The following AFM variants were observed in gnomAD, a reference collection of about 807,000 sequenced individuals.
AFM encodes afamin.
Under a neutral mutation model 68.7 loss-of-function variants are expected in AFM, and 82 were observed. The observed-to-expected ratio is 1.19, with a 90% CI of 1.00 to 1.43. The LOEUF (loss-of-function observed/expected upper bound fraction) is 1.43. Ranked by LOEUF, AFM falls within the 40% of genes most tolerant of loss-of-function variation. AFM has a pLI of 0.00. For synonymous variants in AFM, 250 were observed against 234.2 expected, an observed-to-expected ratio of 1.07 and a Z score of -0.61; for missense variants, 772 against 701.8, an observed-to-expected ratio of 1.10 and a Z score of -1.13.
rs201766814 is a variant in AFM, at chr4:73,497,768, T to C, written c.1289+19T>C. ...AATACCAGTATGTTGTTTGCACAAG[T>C]GGGCTAACACTTGCCACTAGAATTG... On this transcript the variant is annotated intron_variant, in intron 10 of 14. Transcript: ENST00000226355. 171 of 1,495,714 alleles carry C rather than the reference T, an allele frequency of 1.1e-4. No individual in the cohort carries two copies. In the African/African-American group the frequency reaches 2.2e-3, roughly 19 times the overall value. 92.7% of individuals were successfully genotyped at this position (1,495,714 alleles called of 1,614,324 possible).
intron 13 of AFM, 89 bp from the exon 14 acceptor site, chr4:73,502,961 C>T: frequency 8.0e-7 from 1 of 1,245,762 alleles, no homozygotes; most frequent in South Asian, 1.2e-5. Context: ...TAATTTTCTT[C>T]AAAATTCAGG....
In AFM at chr4:73,499,121, A is replaced by C. The variant is rs369452284; in HGVS notation, c.1297A>C (p.Ile433Leu). ...GKDGLKYHYL[I>L]RLTKIAPQLS... ...AGACAAATGTTCTTTCAGTTACCTC[A>C]TCAGGCTCACGAAGATAGCTCCCCA... Residue 433 changes from isoleucine to leucine, a missense_variant, in exon 11 of 15, where the codon ATC becomes CTC. Coordinates refer to ENST00000226355, the MANE Select transcript of AFM (RefSeq NM_001133.2). 6.3e-5 allele frequency: 102 copies of C among 1,611,664 alleles called. No individual in the cohort carries two copies. The South Asian group carries it at 9.2e-4, about 14-fold the overall frequency.
At chr4:73,488,904 A>G (rs1167036576) in intron 7 of AFM, 145 bp downstream of exon 7, 5 of 817,626 alleles carry the variant, frequency 6.1e-6, no homozygotes, top group African/African-American at 1.8e-5. Context: ...AAAATGAAAT[A>G]TAAACATTTT....
chr4:73,482,597 T>A (rs1473125926), intron 1 of AFM, among the ~76,000 whole-genome samples: 1 of 152,210 alleles, frequency 6.6e-6, no homozygotes, highest in Non-Finnish European at 1.5e-5. Flanking sequence ...CCTGCTCCTT[T>A]TCCCTCGTAA....
At chr4:73,501,984 C>T in intron 13 of AFM, 65 bp downstream of exon 13, 3 of 1,549,904 alleles carry the variant, frequency 1.9e-6, no homozygotes, top group Non-Finnish European at 2.6e-6. Context: ...TAAAACAGAA[C>T]CCTGCAGGAC....
chr4:73,502,530 T>C (rs2149347583), intron 13 of AFM, among the ~76,000 whole-genome samples: 1 of 152,304 alleles, frequency 6.6e-6, no homozygotes, highest in Middle Eastern at 3.4e-3. Context: ...CTCAGCAACC[T>C]GTGAATGTTA....
chr4:73,484,164 C>A, intron 2 of AFM, 94 bp from the exon 3 acceptor site: 1 of 1,479,718 alleles, frequency 6.8e-7, no homozygotes, highest in South Asian at 1.5e-5. Flanking sequence ...TAGATAATTT[C>A]CTGAGGCTAG....
chr4:73,493,760 G>A (rs1046769165), intron 8 of AFM, among the ~76,000 whole-genome samples: 4 of 152,084 alleles, frequency 2.6e-5, no homozygotes, highest in Admixed American at 1.3e-4. Flanking sequence ...TGTCCTCTAC[G>A]GCTTCTCATG....
chr4:73,501,808 G>A lies in AFM; in HGVS notation c.1668G>A (p.Lys556=). Residue 556 remains lysine (K), a synonymous_variant, in exon 13 of 15, where the codon AAG becomes AAA. Coordinates refer to ENST00000226355, the MANE Select transcript of AFM (RefSeq NM_001133.2). ...ACAGGTTTCTTGTCAACTTAGTGAA[G>A]CTGAAGCATGAACTCACAGATGAAG... ...KTDRFLVNLV[K]LKHELTDEEL... The A allele has an allele frequency of 6.2e-7, 1 of 1,613,020 alleles. No individual in the cohort carries two copies.
chr4:73,502,949 T>C (rs950029292), intron 13 of AFM, 101 bp from the exon 14 acceptor site: 2 of 1,122,798 alleles, frequency 1.8e-6, no homozygotes, highest in African/African-American at 3.1e-5. Flanking sequence ...GTGGGAATGA[T>C]TTAATTTTCT....
rs758164451 is a variant in AFM at position 73,488,640 on chromosome 4, A to T, written c.724A>T (p.Ile242Leu). ...CAATTCTCTTTCCAGATATATTGCG[A>T]TACTCAGTCAAAAATTCCCCAAGAT... Reference protein sequence around the residue: ...TKVVHFIYIAILSQKFPKIEF... With the variant: ...TKVVHFIYIALLSQKFPKIEF... Residue 242 changes from isoleucine (I) to leucine (L), a missense_variant, in exon 7 of 15, where the codon ATA (isoleucine) becomes TTA (leucine). Transcript: ENST00000226355. 1.4e-5 allele frequency: 22 copies of T among 1,610,510 alleles called. No homozygotes were observed. In the South Asian group the frequency reaches 2.0e-4, roughly 15 times the overall value.
chr4:73,486,515 T>C (rs981834408), intron 4 of AFM, among the ~76,000 whole-genome samples: 2 of 152,200 alleles, frequency 1.3e-5, no homozygotes, highest in African/African-American at 4.8e-5. Context: ...CCTTGAAATC[T>C]AAATCTAAAT....
intron 7 of AFM, among the ~76,000 whole-genome samples, chr4:73,490,658 C>T (rs756030441): frequency 7.9e-5 from 12 of 151,968 alleles, no homozygotes; most frequent in Non-Finnish European, 1.8e-4. Context: ...AATGTGAAAT[C>T]TAAGGTACTG....
chr4:73,495,899 T>C lies in AFM; in HGVS notation c.1191+467T>C, dbSNP rs559775293. On this transcript the variant is annotated intron_variant, in intron 9 of 14. Transcript: ENST00000226355. Reference sequence around the variant, plus strand: ...CTTTTCTGATTCTCCCACTGGGAAATAGCTATAATTAACATTTGTGTTCAA... The same window carrying C: ...CTTTTCTGATTCTCCCACTGGGAAACAGCTATAATTAACATTTGTGTTCAA... Among the ~76,000 whole-genome samples the C allele has an allele frequency of 5.3e-5, 8 of 152,316 alleles. No individual in the cohort carries two copies. In the East Asian group the frequency reaches 9.7e-4, roughly 18 times the overall value.
At chr4:73,487,898 C>G (rs1720951137) in intron 6 of AFM, 77 bp downstream of exon 6, 2 of 1,037,368 alleles carry the variant, frequency 1.9e-6, no homozygotes, top group Admixed American at 1.9e-5. Flanking sequence ...TGGTTGATAA[C>G]TTTTTATTTA....
chr4:73,499,443 T>C (rs1443716637), intron 11 of AFM, among the ~76,000 whole-genome samples, 197 bp downstream of exon 11: 1 of 152,200 alleles, frequency 6.6e-6, no homozygotes, highest in Non-Finnish European at 1.5e-5. Flanking sequence ...TTCAATATTT[T>C]TGGAGAGTAC....
intron 5 of AFM, 115 bp downstream of exon 5, chr4:73,487,214 C>A: frequency 2.7e-6 from 3 of 1,125,876 alleles, no homozygotes; most frequent in South Asian, 1.8e-5. Flanking sequence ...GTTCTCTTGT[C>A]ACATTCAGTG....
Position 73,485,971 on chromosome 4 carries a change from A to C in AFM, c.380A>C (p.Tyr127Ser), listed in dbSNP as rs758736794. 3.7e-6 allele frequency: 6 copies of C among 1,614,006 alleles called. No homozygotes were observed. The highest frequency in any genetic ancestry group is 4.2e-6 in the Non-Finnish European group (5 of 1,179,832). ...VDAQRRLCFF[Y>S]NKKSDVGFLP... ...GCTCAAAGAAGACTCTGTTTCTTCT[A>C]TAACAAGAAATCTGATGTGGGATTT... The change falls in exon 4 of 15, where the codon TAT becomes TCT. Residue 127 changes from tyrosine to serine, a missense_variant. Coordinates refer to ENST00000226355, the MANE Select transcript of AFM (RefSeq NM_001133.2).
In AFM at chr4:73,492,043, G is replaced by T. The variant is rs371280850; in HGVS notation, c.1015G>T (p.Val339Leu). 1.2e-6 allele frequency: 2 copies of T among 1,612,990 alleles called. No individual in the cohort carries two copies. Among genetic ancestry groups the T allele is most frequent in the South Asian group, 1.1e-5 (1 of 90,758 alleles). Residue 339 changes from valine to leucine, a missense_variant, in exon 8 of 15, where the codon GTG (valine) becomes TTG (leucine). By Grantham distance (32) the Val-to-Leu change is conservative (BLOSUM62 1). Transcript: ENST00000226355. Reference sequence around the variant, plus strand: ...AGGAAAATTTACTGACAGTGAAAATGTGTGTCAAGAACGAGATGCTGACCC... The same window carrying T: ...AGGAAAATTTACTGACAGTGAAAATTTGTGTCAAGAACGAGATGCTGACCC... ...REGKFTDSEN[V>L]CQERDADPDT...
Sources: gnomAD v4.1 joint callset for allele counts (sites outside exome capture counted in the v4.1 genomes callset) on GRCh38, gnomAD v4.1.1 for gene constraint, MANE v1.5 for transcripts, NCBI Gene and HGNC (gene_info 2026-07-23, HGNC 2026-07-21) for gene names.